Variants in MED10 observed in about 807,000 individuals in gnomAD.
MED10 encodes the protein mediator complex subunit 10, also known as mediator of RNA polymerase II transcription subunit 10.
A neutral mutation model predicts 17.2 loss-of-function variants in MED10; 9 were observed. That is an observed-to-expected ratio of 0.52 (90% confidence interval 0.31 to 0.91). The LOEUF is 0.91. Among genes scored for constraint, MED10 ranks in the 40% least tolerant of loss-of-function variants. The probability of loss-of-function intolerance (pLI) is 0.04; values close to 1 mark genes in which losing one functional copy is unlikely to be tolerated. For synonymous variants in MED10, 66 were observed against 59.8 expected (o/e 1.10, Z -0.48); for missense variants, 129 against 164.8 (o/e 0.78, Z 1.19).
intron 2 of MED10, among the ~76,000 whole-genome samples, chr5:6,374,971 G>T (rs1240768960): frequency 1.3e-5 from 2 of 152,078 alleles, no homozygotes; most frequent in Non-Finnish European, 2.9e-5. Context: ...CCCCAGCCCT[G>T]ACGACCCCAA....
rs926933347 is a variant in MED10 at position 6,378,528 on chromosome 5, C to T, written c.-45G>A. The stretch of plus-strand genomic sequence containing the variant: ...CCCACACAGCCTCAACCAGCAGCGC[C>T]GCAGGCGTGGCCCTACGCTCCCGCT... On this transcript the variant is annotated 5_prime_UTR_variant, in exon 1 of 4. Transcript: ENST00000255764. 13 of 1,584,640 alleles carry T rather than the reference C, an allele frequency of 8.2e-6. No homozygotes were observed. The highest frequency in any genetic ancestry group is 1.1e-5 in the Non-Finnish European group (13 of 1,163,702).
intron 2 of MED10, among the ~76,000 whole-genome samples, chr5:6,376,536 G>A (rs959269380): frequency 6.6e-6 from 1 of 152,108 alleles, no homozygotes; most frequent in African/African-American, 2.4e-5. Flanking sequence ...AAGAAAACCT[G>A]GATTTTAAAA....
Position 6,372,272 on chromosome 5 carries a change from G to A in MED10, c.*231C>T. The A allele has an allele frequency of 1.9e-6, 1 of 534,702 alleles. No individual in the cohort carries two copies. 33.1% of individuals were successfully genotyped at this position (534,702 alleles called of 1,614,324 possible). A position where few individuals can be genotyped will look rare whatever the true frequency, so the allele number is the denominator to read the frequency against. On this transcript the variant is annotated 3_prime_UTR_variant, in exon 4 of 4. Transcript: ENST00000255764. The stretch of plus-strand genomic sequence containing the variant: ...TGATCCCCACAGTGATGAGGGGTCA[G>A]CACTCTGAAAGCCAGTTGACGCCAG...
At chr5:6,375,227 T>A (rs1163304452) in intron 2 of MED10, among the ~76,000 whole-genome samples, 1 of 152,160 alleles carries the variant, frequency 6.6e-6, no homozygotes, top group Admixed American at 6.5e-5. Context: ...GCCACCTACC[T>A]TTTTCTGTAC....
chr5:6,377,137 C>G (rs1480751190), intron 2 of MED10, 29 bp downstream of exon 2: 1 of 1,487,362 alleles, frequency 6.7e-7, no homozygotes, highest in Non-Finnish European at 9.3e-7. Flanking sequence ...AGATTTATAC[C>G]CAAGACTAAT....
At position 6,372,367 on chromosome 5, in the gene MED10, A is replaced by G; in HGVS notation, c.*136T>C. On this transcript the variant is annotated 3_prime_UTR_variant, in exon 4 of 4. Coordinates refer to ENST00000255764, the MANE Select transcript of MED10 (RefSeq NM_032286.3). Reference sequence around the variant, plus strand: ...GCCCCTCGGTCCCATGAGGCCAAACAATGAGGACAGAGGGGCTGAGGGGTG... The same window carrying G: ...GCCCCTCGGTCCCATGAGGCCAAACGATGAGGACAGAGGGGCTGAGGGGTG... 1 of 685,948 alleles carries G rather than the reference A, an allele frequency of 1.5e-6. No individual in the cohort carries two copies. Among genetic ancestry groups the G allele is most frequent in the Non-Finnish European group, 2.5e-6 (1 of 393,230 alleles). 42.5% of individuals were successfully genotyped at this position (685,948 alleles called of 1,614,324 possible). A position where few individuals can be genotyped will look rare whatever the true frequency, so the allele number is the denominator to read the frequency against.
Position 6,372,526 on chromosome 5 carries a change from C to A in MED10, c.385G>T (p.Gly129Trp). ...GGTTAAGAAGGCGGGTGATCCTCCC[C>A]CCGGATGCTTCGATACTTAGCCATG... ...EDMAKYRSIRGEDHPPS is the reference protein window; with the variant it reads ...EDMAKYRSIRWEDHPPS Residue 129 changes from glycine to tryptophan, a missense_variant, in exon 4 of 4, where the codon GGG becomes TGG. Around this residue, in one of 3 missense-constraint regions of MED10, gnomAD observed 100 missense variants for 121.0 expected, o/e 0.83. Coordinates refer to ENST00000255764, the MANE Select transcript of MED10 (RefSeq NM_032286.3). The A allele has an allele frequency of 1.9e-6, 3 of 1,614,196 alleles. No homozygotes were observed. The highest frequency in any genetic ancestry group is 2.5e-6 in the Non-Finnish European group (3 of 1,180,022).
At chr5:6,373,588 G>A (rs1218668186) in intron 3 of MED10, among the ~76,000 whole-genome samples, 3 of 151,784 alleles carry the variant, frequency 2.0e-5, no homozygotes, top group East Asian at 2.0e-4. Flanking sequence ...GAACACGAAC[G>A]AAAGGGTTGG....
Position 6,372,337 on chromosome 5 carries a change from C to G in MED10, c.*166G>C, listed in dbSNP as rs1344650065. ...CAGCTGGGGCACAGCTCCGCCTCTCCTCCAGCCCCTCGGTCCCATGAGGCC... is the reference window on the plus strand; with the variant it reads ...CAGCTGGGGCACAGCTCCGCCTCTCGTCCAGCCCCTCGGTCCCATGAGGCC... On this transcript the variant is annotated 3_prime_UTR_variant, in exon 4 of 4. Transcript: ENST00000255764. 1.6e-6 allele frequency: 1 copy of G among 606,342 alleles called. No homozygotes were observed. The highest frequency in any genetic ancestry group is 3.1e-5 in the Admixed American group (1 of 32,766). 37.6% of individuals were successfully genotyped at this position (606,342 alleles called of 1,614,324 possible). A position where few individuals can be genotyped will look rare whatever the true frequency, so the allele number is the denominator to read the frequency against.
Position 6,378,408 on chromosome 5 carries a change from C to G in MED10, c.76G>C (p.Val26Leu), listed in dbSNP as rs1203736094. Residue 26 changes from valine to leucine, a missense_variant, in exon 1 of 4, where the codon GTC becomes CTC. Coordinates refer to ENST00000255764, the MANE Select transcript of MED10 (RefSeq NM_032286.3). ...VENIRQLGII[V>L]SDFQPSSQAG... ...TGGCTGCTGGGCTGGAAGTCACTGA[C>G]GATGATGCCGAGCTGCCGAATGTTC... 1 of 1,613,530 alleles carries G rather than the reference C, an allele frequency of 6.2e-7. No individual in the cohort carries two copies. The highest frequency in any genetic ancestry group is 8.5e-7 in the Non-Finnish European group (1 of 1,179,870).
rs957131524 is a variant in MED10 at position 6,372,366 on chromosome 5, C to T, written c.*137G>A. ...AGCCCCTCGGTCCCATGAGGCCAAA[C>T]AATGAGGACAGAGGGGCTGAGGGGT... On this transcript the variant is annotated 3_prime_UTR_variant, in exon 4 of 4. Transcript: ENST00000255764. 3 of 684,540 alleles carry T rather than the reference C, an allele frequency of 4.4e-6. No homozygotes were observed. The East Asian group carries it at 7.9e-5, about 18-fold the overall frequency. 42.4% of individuals were successfully genotyped at this position (684,540 alleles called of 1,614,324 possible). A position where few individuals can be genotyped will look rare whatever the true frequency, so the allele number is the denominator to read the frequency against.
chr5:6,376,079 G>A (rs1737981565), intron 2 of MED10, among the ~76,000 whole-genome samples: 1 of 152,188 alleles, frequency 6.6e-6, no homozygotes, highest in African/African-American at 2.4e-5. Context: ...AGCTACCTGA[G>A]GTGCAAGACC....
chr5:6,377,295 C>T, intron 1 of MED10, 46 bp from the exon 2 acceptor site: 1 of 1,444,434 alleles, frequency 6.9e-7, no homozygotes, highest in Non-Finnish European at 9.6e-7. Flanking sequence ...TTTCGCTTGA[C>T]AGCATAAGCA....
intron 3 of MED10, among the ~76,000 whole-genome samples, chr5:6,373,637 C>A (rs1038272409): frequency 6.6e-6 from 1 of 152,046 alleles, no homozygotes; most frequent in Non-Finnish European, 1.5e-5. Flanking sequence ...GCGTGGATGG[C>A]CGGGAGGAGG....
chr5:6,371,991 A>G lies in MED10; in HGVS notation c.*512T>C, dbSNP rs1252429601. On this transcript the variant is annotated 3_prime_UTR_variant, in exon 4 of 4. Transcript: ENST00000255764. Reference sequence around the variant, plus strand: ...AATCCATGAAAACAGTTACATTTAAAACATTCTTTATGCACTATACTTGAA... The same window carrying G: ...AATCCATGAAAACAGTTACATTTAAGACATTCTTTATGCACTATACTTGAA... 1 of 152,448 alleles carries G rather than the reference A, an allele frequency of 6.6e-6. No homozygotes were observed. The highest frequency in any genetic ancestry group is 1.9e-4 in the East Asian group (1 of 5,204). The allele number at this position is 152,448 out of a possible 1,614,324, so 9.4% of individuals were successfully genotyped here.
At position 6,372,349 on chromosome 5, in the gene MED10, G is replaced by T. The variant is rs1039090944; in HGVS notation, c.*154C>A. The T allele has an allele frequency of 1.1e-5, 7 of 623,480 alleles. No homozygotes were observed. Among genetic ancestry groups the T allele is most frequent in the Non-Finnish European group, 1.7e-5 (6 of 351,154 alleles). The allele number at this position is 623,480 out of a possible 1,614,324, so 38.6% of individuals were successfully genotyped here. ...AGCTCCGCCTCTCCTCCAGCCCCTC[G>T]GTCCCATGAGGCCAAACAATGAGGA... On this transcript the variant is annotated 3_prime_UTR_variant, in exon 4 of 4. Transcript: ENST00000255764.
At chr5:6,374,470 C>T (rs1293684909) in intron 2 of MED10, 44 bp from the exon 3 acceptor site, 12 of 1,315,336 alleles carry the variant, frequency 9.1e-6, no homozygotes, top group African/African-American at 4.4e-5. Context: ...ATGACTGACA[C>T]CTATTCTCAC....
chr5:6,374,579 T>A (rs1384246798), intron 2 of MED10, 153 bp from the exon 3 acceptor site: 3 of 602,822 alleles, frequency 5.0e-6, no homozygotes, highest in Non-Finnish European at 9.0e-6. Context: ...GGAATTAATA[T>A]TCCCTCATTT....
At chr5:6,372,724 C>G in intron 3 of MED10, 123 bp from the exon 4 acceptor site, 1 of 687,224 alleles carries the variant, frequency 1.5e-6, no homozygotes. Flanking sequence ...CGGGACTGAC[C>G]TGAGACTTCC....
Sources: allele counts gnomAD v4.1 joint callset (sites outside exome capture counted in the v4.1 genomes callset), GRCh38; gene constraint gnomAD v4.1.1; regional missense constraint gnomAD v4.1.1; transcripts MANE v1.5; gene names NCBI Gene and HGNC (gene_info 2026-07-23, HGNC 2026-07-21).